Variants in EVI5L observed in about 807,000 individuals in gnomAD.
EVI5L encodes EVI5-like protein.
A neutral mutation model predicts 106.1 loss-of-function variants in EVI5L; 30 were observed. The observed-to-expected ratio is 0.28, with a 90% CI of 0.21 to 0.38. EVI5L has a LOEUF of 0.38. EVI5L is among the 10% of genes least tolerant of loss of function. The probability of loss-of-function intolerance (pLI) is 1.00; values close to 1 mark genes in which losing one functional copy is unlikely to be tolerated. For synonymous variants in EVI5L, 489 were observed against 483.3 expected, an observed-to-expected ratio of 1.01 and a Z score of -0.15; for missense variants, 809 against 1,098.0, an observed-to-expected ratio of 0.74 and a Z score of 3.72.
At chr19:7,862,678 C>T (rs1210284517) in intron 17 of EVI5L, 144 bp downstream of exon 17, 2 of 702,184 alleles carry the variant, frequency 2.8e-6, no homozygotes, top group Non-Finnish European at 4.1e-6. Flanking sequence ...CGCCCGCGGC[C>T]CCGCCTCCTG....
chr19:7,838,766 T>C (rs2146413782), intron 1 of EVI5L, among the ~76,000 whole-genome samples: 1 of 151,886 alleles, frequency 6.6e-6, no homozygotes. Context: ...GAGGGGTGGA[T>C]GTTTTCAGGG....
At chr19:7,838,376 G>A (rs763682868) in intron 1 of EVI5L, among the ~76,000 whole-genome samples, 4 of 152,164 alleles carry the variant, frequency 2.6e-5, no homozygotes, top group Non-Finnish European at 4.4e-5. Context: ...CTCCCAAAGT[G>A]CTGGGATTAC....
chr19:7,860,762 G>A, intron 14 of EVI5L, 73 bp downstream of exon 14: 2 of 1,463,890 alleles, frequency 1.4e-6, no homozygotes, highest in East Asian at 2.5e-5. Context: ...ATAAGCTTTG[G>A]GAGTGACCCC....
In EVI5L at chr19:7,858,424, C is replaced by G. The variant is rs114502965; in HGVS notation, c.1374+93C>G. The G allele has an allele frequency of 1.4e-6, 2 of 1,429,584 alleles. No homozygotes were observed. Among genetic ancestry groups the G allele is most frequent in the African/African-American group, 1.4e-5 (1 of 69,614 alleles). The allele number at this position is 1,429,584 out of a possible 1,614,324, so 88.6% of individuals were successfully genotyped here. On this transcript the variant is annotated intron_variant, in intron 13 of 19. Coordinates refer to ENST00000538904, the MANE Select transcript of EVI5L (RefSeq NM_001159944.3). This position sits in a 1 kb window ranked among gnomAD's most constrained non-coding sequence, Gnocchi z 5.7. The stretch of plus-strand genomic sequence containing the variant: ...TTCTTTCAGGGCTCATAATCTGCCC[C>G]GCCTCAGCACCTGGCCCTCCTGTTC...
At position 7,856,293 on chromosome 19, in the gene EVI5L, C is replaced by T. The variant is rs890711346; in HGVS notation, c.1200+225C>T. Among the ~76,000 whole-genome samples, 1 of 152,106 alleles carries T rather than the reference C, an allele frequency of 6.6e-6. No individual in the cohort carries two copies. The highest frequency in any genetic ancestry group is 2.4e-5 in the African/African-American group (1 of 41,416). On this transcript the variant is annotated intron_variant, in intron 11 of 19. Transcript: ENST00000538904. The surrounding 1 kb of genome is among the most constrained non-coding windows in gnomAD (Gnocchi z 6.6). Reference sequence around the variant, plus strand: ...ATCCTGGAGTGGGGGCGAGTTACAACCCAGTGGCCTGCAGCCACGGGAATC... The same window carrying T: ...ATCCTGGAGTGGGGGCGAGTTACAATCCAGTGGCCTGCAGCCACGGGAATC...
intron 10 of EVI5L, among the ~76,000 whole-genome samples, chr19:7,853,783 A>T (rs1202887679): frequency 6.6e-6 from 1 of 152,118 alleles, no homozygotes; most frequent in Non-Finnish European, 1.5e-5. Flanking sequence ...CCGCAAGGGG[A>T]CCGCCCTCTG....
intron 1 of EVI5L, among the ~76,000 whole-genome samples, chr19:7,831,245 A>ACACACACG (rs1978292383): frequency 6.9e-6 from 1 of 144,680 alleles, no homozygotes; most frequent in East Asian, 2.1e-4. Context: ...ACACACACAC[A>ACACACACG]CACACACACA....
Position 7,863,323 on chromosome 19 carries a change from C to T in EVI5L, c.2139+43C>T, listed in dbSNP as rs1979945437. ...TGCCGGGGACAGGCCTGGGTGTCGT[C>T]GGCCTGGGACGAGCCGAGCGCAGGT... On this transcript the variant is annotated intron_variant, in intron 19 of 19. Coordinates refer to ENST00000538904, the MANE Select transcript of EVI5L (RefSeq NM_001159944.3). This position sits in a 1 kb window ranked among gnomAD's most constrained non-coding sequence, Gnocchi z 7.7. The T allele has an allele frequency of 5.2e-6, 8 of 1,547,642 alleles. No homozygotes were observed. Among genetic ancestry groups the T allele is most frequent in the African/African-American group, 1.4e-5 (1 of 72,940 alleles).
At chr19:7,851,335 T>C in intron 6 of EVI5L, 99 bp from the exon 7 acceptor site, 1 of 1,457,410 alleles carries the variant, frequency 6.9e-7, no homozygotes, top group Non-Finnish European at 9.3e-7. Flanking sequence ...CCAGCGCAGG[T>C]CCAGGAAGGC....
intron 10 of EVI5L, among the ~76,000 whole-genome samples, chr19:7,854,325 G>A (rs1711496065): frequency 6.7e-6 from 1 of 150,318 alleles, no homozygotes; most frequent in African/African-American, 2.4e-5. Flanking sequence ...AACATTTATT[G>A]AGCACCTGCT....
At position 7,862,506 on chromosome 19, in the gene EVI5L, G is replaced by A. The variant is rs554873829; in HGVS notation, c.1919G>A (p.Arg640His). 2.5e-5 allele frequency: 39 copies of A among 1,562,090 alleles called. No individual in the cohort carries two copies. The East Asian group carries it at 7.8e-4, about 31-fold the overall frequency. ...CTGCAGACGCAGCTCAGCGAAAGCCGCCGCAAGCAGGCCGAGGCCGAGTGC... is the reference window on the plus strand; with the variant it reads ...CTGCAGACGCAGCTCAGCGAAAGCCACCGCAAGCAGGCCGAGGCCGAGTGC... ...KGLQTQLSES[R>H]RKQAEAECKS... Residue 640 changes from arginine to histidine, a missense_variant, in exon 17 of 20, where the codon CGC becomes CAC. Around this residue, in one of 2 missense-constraint regions of EVI5L, gnomAD observed 452 missense variants for 509.9 expected, o/e 0.89. Coordinates refer to ENST00000538904, the MANE Select transcript of EVI5L (RefSeq NM_001159944.3).
Position 7,858,359 on chromosome 19 carries a change from G to T in EVI5L, c.1374+28G>T. 6.5e-7 allele frequency: 1 copy of T among 1,533,720 alleles called. No homozygotes were observed. On this transcript the variant is annotated intron_variant, in intron 13 of 19. Transcript: ENST00000538904. This position sits in a 1 kb window ranked among gnomAD's most constrained non-coding sequence, Gnocchi z 5.7. ...AGGGGCGGGTGTGCGGGGCTGCTGG[G>T]CGGGGCCATGACCCGCGCCCCCGCC...
intron 2 of EVI5L, among the ~76,000 whole-genome samples, chr19:7,847,513 G>A (rs1236120286): frequency 1.3e-5 from 2 of 152,004 alleles, no homozygotes; most frequent in Admixed American, 6.6e-5. Flanking sequence ...CTTGAACCAG[G>A]AGGCAGAGGT....
intron 1 of EVI5L, among the ~76,000 whole-genome samples, chr19:7,843,569 A>AGTGT (rs140318892): frequency 0.73 from 100,995 of 138,748 alleles, 36,788 homozygotes; most frequent in South Asian, 0.83. Context: ...TAGGTATGTG[A>AGTGT]GTGTGAGAAT....
At chr19:7,843,831 G>A (rs1201047492) in intron 1 of EVI5L, among the ~76,000 whole-genome samples, 2 of 152,038 alleles carry the variant, frequency 1.3e-5, no homozygotes, top group Non-Finnish European at 2.9e-5. Flanking sequence ...TGTGTGTTGT[G>A]CGTGCACACA....
intron 6 of EVI5L, 75 bp from the exon 7 acceptor site, chr19:7,851,359 G>A: frequency 6.5e-7 from 1 of 1,536,416 alleles, no homozygotes; most frequent in Non-Finnish European, 8.8e-7. Flanking sequence ...CTGGAGGCGG[G>A]GACACTGAGG....
At chr19:7,854,727 T>G (rs1004373064) in intron 10 of EVI5L, among the ~76,000 whole-genome samples, 1 of 152,168 alleles carries the variant, frequency 6.6e-6, no homozygotes, top group South Asian at 2.1e-4. Flanking sequence ...GGATCAGGGC[T>G]CCAGATTGCT....
intron 15 of EVI5L, 33 bp downstream of exon 15, chr19:7,862,051 G>T: frequency 6.5e-7 from 1 of 1,537,692 alleles, no homozygotes. Context: ...CGGGCAGAGC[G>T]CCCCCTAGGG....
Position 7,863,257 on chromosome 19 carries a change from C to A in EVI5L, c.2116C>A (p.Gln706Lys). ...GCAGTACATCCGCGAGCTCAAGGACCAGATCGAGGAGCTGAAGGCCGAGGT... is the reference window on the plus strand; with the variant it reads ...GCAGTACATCCGCGAGCTCAAGGACAAGATCGAGGAGCTGAAGGCCGAGGT... ...SSQYIRELKD[Q>K]IEELKAEVRL... Residue 706 changes from glutamine (Q) to lysine (K), a missense_variant, in exon 19 of 20, where the codon CAG becomes AAG. Transcript: ENST00000538904. The surrounding 1 kb of genome is among the most constrained non-coding windows in gnomAD (Gnocchi z 7.7). The A allele has an allele frequency of 6.4e-7, 1 of 1,559,512 alleles. No individual in the cohort carries two copies. Among genetic ancestry groups the A allele is most frequent in the East Asian group, 2.4e-5 (1 of 42,304 alleles).
Sources: gnomAD v4.1 joint callset for allele counts (sites outside exome capture counted in the v4.1 genomes callset) on GRCh38, gnomAD v4.1.1 for gene constraint, gnomAD v4.1.1 regional missense constraint, Gnocchi (gnomAD v3.1) non-coding constraint, MANE v1.5 for transcripts, NCBI Gene and HGNC (gene_info 2026-07-23, HGNC 2026-07-21) for gene names.